The following CUX2 variants were observed in gnomAD, a reference collection of about 807,000 sequenced individuals.
The protein encoded by CUX2 is cut like homeobox 2.
A neutral mutation model predicts 144.8 loss-of-function variants in CUX2; 40 were observed. That is an observed-to-expected ratio of 0.28 (90% CI 0.21 to 0.36). CUX2 has a LOEUF of 0.36. CUX2 is among the 10% of genes least tolerant of loss of function. The pLI, the probability that CUX2 is intolerant of heterozygous loss-of-function variation, is 1.00. For synonymous variants in CUX2, 827 were observed against 875.6 expected, an observed-to-expected ratio of 0.94 and a Z score of 0.98; for missense variants, 1,615 against 1,994.0, an observed-to-expected ratio of 0.81 and a Z score of 3.62.
In CUX2 at chr12:111,186,011, ACT is replaced by A. The variant is rs1261801845; in HGVS notation, c.64-28186_64-28185del. ...TCTCTGTCTTTCACTCTGTCTTCAGACTCTGTTTTCTGGTCCTCTCTCTTTCA... is the reference window on the plus strand; with the variant it reads ...TCTCTGTCTTTCACTCTGTCTTCAGACTGTTTTCTGGTCCTCTCTCTTTCA... On this transcript the variant is annotated intron_variant, in intron 1 of 21. Transcript: ENST00000261726. The surrounding 1 kb of genome is among the most constrained non-coding windows in gnomAD (Gnocchi z 4.4). 7.0e-6 allele frequency among the ~76,000 whole-genome samples: 1 copy of A among 142,310 alleles called. No individual in the cohort carries two copies. Among genetic ancestry groups the A allele is most frequent in the Non-Finnish European group, 1.5e-5 (1 of 65,542 alleles). 93.4% of individuals were successfully genotyped at this position (142,310 alleles called of 152,430 possible). A position where few individuals can be genotyped will look rare whatever the true frequency, so the allele number is the denominator to read the frequency against.
intron 1 of CUX2, among the ~76,000 whole-genome samples, chr12:111,071,227 G>T (rs1245997821): frequency 6.6e-6 from 1 of 151,620 alleles, no homozygotes; most frequent in Non-Finnish European, 1.5e-5. Flanking sequence ...ACACCATTTT[G>T]CCTTCCCACC....
chr12:111,259,847 A>G (rs889966077), intron 3 of CUX2, among the ~76,000 whole-genome samples: 5 of 151,780 alleles, frequency 3.3e-5, no homozygotes, highest in Non-Finnish European at 7.4e-5. Context: ...TTTTAATAAT[A>G]TATTTTATTT....
intron 3 of CUX2, among the ~76,000 whole-genome samples, chr12:111,250,258 G>A (rs932926812): frequency 6.6e-6 from 1 of 152,114 alleles, no homozygotes; most frequent in Non-Finnish European, 1.5e-5. Context: ...CTTCAGGTGT[G>A]GGGGTGGGGG....
At chr12:111,238,873 T>C (rs904509823) in intron 3 of CUX2, among the ~76,000 whole-genome samples, 1 of 152,030 alleles carries the variant, frequency 6.6e-6, no homozygotes, top group Admixed American at 6.6e-5. Flanking sequence ...GGCAAAACTC[T>C]GTCTCTACTA....
At chr12:111,285,565 C>T (rs578022317) in intron 4 of CUX2, among the ~76,000 whole-genome samples, 35 of 152,314 alleles carry the variant, frequency 2.3e-4, no homozygotes, top group African/African-American at 8.4e-4. Flanking sequence ...TCAGGGGACT[C>T]TGATGTGCCC....
intron 1 of CUX2, among the ~76,000 whole-genome samples, chr12:111,191,488 C>T (rs7978164): frequency 6.6e-6 from 1 of 152,002 alleles, no homozygotes; most frequent in African/African-American, 2.4e-5. Flanking sequence ...CACGCCACCA[C>T]GCCAGCTAAT....
chr12:111,125,506 C>T (rs549496683), intron 1 of CUX2, among the ~76,000 whole-genome samples: 1 of 152,312 alleles, frequency 6.6e-6, no homozygotes, highest in Admixed American at 6.5e-5. Context: ...CAAAATCCTC[C>T]ACAGTGTAGC....
chr12:111,243,634 G>C (rs1954015199), intron 3 of CUX2, among the ~76,000 whole-genome samples: 1 of 150,354 alleles, frequency 6.7e-6, no homozygotes, highest in African/African-American at 2.5e-5. Context: ...CTCCCAAGTA[G>C]CTGGGACTAC....
rs1181756718 is a variant in CUX2 at position 111,347,777 on chromosome 12, G to A, written c.3913G>A (p.Glu1305Lys). 6.2e-7 allele frequency: 1 copy of A among 1,613,914 alleles called. No homozygotes were observed. The highest frequency in any genetic ancestry group is 8.5e-7 in the Non-Finnish European group (1 of 1,179,988). Residue 1305 changes from glutamate to lysine, a missense_variant, in exon 22 of 22, where the codon GAG becomes AAG. By Grantham distance (56) the Glu-to-Lys change is moderately conservative (BLOSUM62 1). This residue lies in a region of CUX2 where 298 missense variants were observed against 330.4 expected (regional missense o/e 0.90). Transcript: ENST00000261726. ...GAGGATCAAGCAGGAACAGATGGAG[G>A]AGGATGCTGAGGAAGAGGCAGGCAG... ...QVRIKQEQME[E>K]DAEEEAGSQP...
intron 1 of CUX2, among the ~76,000 whole-genome samples, chr12:111,056,605 C>T (rs1365462738): frequency 6.6e-6 from 1 of 152,348 alleles, no homozygotes; most frequent in East Asian, 1.9e-4. Flanking sequence ...TTTTCATGCT[C>T]TTGCCTTGCA....
chr12:111,127,280 C>A lies in CUX2; in HGVS notation c.64-86920C>A, dbSNP rs112410380. 9.7e-3 allele frequency among the ~76,000 whole-genome samples: 1,473 copies of A among 152,340 alleles called. 28 individuals are homozygous for A. Among genetic ancestry groups the A allele is most frequent in the African/African-American group, 0.034 (1,414 of 41,572 alleles). On this transcript the variant is annotated intron_variant, in intron 1 of 21. Transcript: ENST00000261726. ...AACTCAACTGGTCATGGTTCTTTACCTGGGCAAGTGACCCAACTTTCATTC... is the reference window on the plus strand; with the variant it reads ...AACTCAACTGGTCATGGTTCTTTACATGGGCAAGTGACCCAACTTTCATTC...
intron 4 of CUX2, among the ~76,000 whole-genome samples, chr12:111,279,420 A>G (rs545065587): frequency 6.6e-6 from 1 of 152,346 alleles, no homozygotes; most frequent in South Asian, 2.1e-4. Flanking sequence ...CCTAACCACC[A>G]CTACCTCTAA....
chr12:111,286,314 C>T (rs906671522), intron 4 of CUX2, among the ~76,000 whole-genome samples: 6 of 152,202 alleles, frequency 3.9e-5, no homozygotes, highest in African/African-American at 1.4e-4. Context: ...TACACATGCA[C>T]CCCCATTTTA....
At chr12:111,042,433 C>CGGA (rs1274979915) in intron 1 of CUX2, among the ~76,000 whole-genome samples, 2 of 152,064 alleles carry the variant, frequency 1.3e-5, no homozygotes, top group Non-Finnish European at 2.9e-5. Context: ...GTGTGAGCTG[C>CGGA]GGAATCAAGC....
intron 3 of CUX2, among the ~76,000 whole-genome samples, chr12:111,242,583 G>A (rs1565868775): frequency 1.3e-5 from 2 of 152,190 alleles, no homozygotes; most frequent in Non-Finnish European, 2.9e-5. Context: ...GGAGACCGAG[G>A]TGGGCAGATC....
At chr12:111,338,564 TC>T in intron 20 of CUX2, 90 bp downstream of exon 20, 1 of 1,268,202 alleles carries the variant, frequency 7.9e-7, no homozygotes, top group Non-Finnish European at 1.1e-6. Context: ...AACCCAGGGC[TC>T]CCATGGTCCA....
intron 1 of CUX2, among the ~76,000 whole-genome samples, chr12:111,117,464 T>C (rs1874377419): frequency 6.6e-6 from 1 of 152,200 alleles, no homozygotes; most frequent in Non-Finnish European, 1.5e-5. Flanking sequence ...CACTTACTCA[T>C]TGGCCAAAAC....
At chr12:111,105,824 A>C (rs970572650) in intron 1 of CUX2, among the ~76,000 whole-genome samples, 2 of 151,496 alleles carry the variant, frequency 1.3e-5, no homozygotes, top group Non-Finnish European at 2.9e-5. Context: ...ATGGTAATTC[A>C]TGGCAGCTCT....
intron 3 of CUX2, among the ~76,000 whole-genome samples, chr12:111,240,767 G>A (rs1250667916): frequency 6.6e-6 from 1 of 152,130 alleles, no homozygotes; most frequent in Non-Finnish European, 1.5e-5. Flanking sequence ...TGCACCTCCT[G>A]GACTTAGCTA....
Sources: allele counts gnomAD v4.1 joint callset (sites outside exome capture counted in the v4.1 genomes callset), GRCh38; gene constraint gnomAD v4.1.1; regional missense constraint gnomAD v4.1.1; non-coding constraint Gnocchi (gnomAD v3.1); transcripts MANE v1.5; gene names NCBI Gene and HGNC (gene_info 2026-07-23, HGNC 2026-07-21).